The following SCNN1B variants were observed in gnomAD, a reference collection of about 807,000 sequenced individuals.
SCNN1B encodes sodium channel epithelial 1 subunit beta.
Under a neutral mutation model 65.3 loss-of-function variants are expected in SCNN1B, and 46 were observed. That is an observed-to-expected ratio of 0.70 (90% CI 0.56 to 0.90). The LOEUF is 0.90. Among genes scored for constraint, SCNN1B ranks in the 40% least tolerant of loss-of-function variants. SCNN1B has a pLI of 0.00. For missense variants in SCNN1B, 751 were observed against 830.5 expected (o/e 0.90, Z 1.18); for synonymous variants, 349 against 330.6 (o/e 1.06, Z -0.60).
intron 4 of SCNN1B, among the ~76,000 whole-genome samples, chr16:23,365,581 A>AAG (rs1236197984): frequency 1.2e-4 from 10 of 82,470 alleles, no homozygotes; most frequent in East Asian, 4.5e-4. Context: ...GAAAGAAAGA[A>AAG]AGAAAGAGAA....
chr16:23,286,405 C>T (rs1960851669), intron 2 of SCNN1B, among the ~76,000 whole-genome samples: 1 of 152,210 alleles, frequency 6.6e-6, no homozygotes, highest in African/African-American at 2.4e-5. Flanking sequence ...CTTACTGGTT[C>T]TGAGAGAAGA....
chr16:23,362,016 G>T (rs1255971262), intron 4 of SCNN1B, among the ~76,000 whole-genome samples: 1 of 152,110 alleles, frequency 6.6e-6, no homozygotes, highest in Non-Finnish European at 1.5e-5. Context: ...ACTTGCCCAA[G>T]CTCTGGTTTT....
chr16:23,343,497 AGGAAGGAAGGAAAAGG>A (rs1962100130), intron 1 of SCNN1B, among the ~76,000 whole-genome samples: 1 of 87,370 alleles, frequency 1.1e-5, no homozygotes, highest in South Asian at 4.6e-4. Context: ...GAAGGAAGGA[AGGAAGGAAGGAAAAGG>A]AAGGAAGGAA....
At chr16:23,295,643 C>A (rs529671088) in intron 2 of SCNN1B, among the ~76,000 whole-genome samples, 1 of 152,224 alleles carries the variant, frequency 6.6e-6, no homozygotes, top group Non-Finnish European at 1.5e-5. Flanking sequence ...TAAGCCACTG[C>A]ACCCAGCCCT....
In SCNN1B at chr16:23,348,606, G is replaced by A. The variant is rs750974115; in HGVS notation, c.7G>A (p.Val3Met). The A allele has an allele frequency of 2.0e-5, 32 of 1,612,680 alleles. No homozygotes were observed. The highest frequency in any genetic ancestry group is 1.9e-4 in the African/African-American group (14 of 74,894). MHVKKYLLKGLHR... is the reference protein window; with the variant it reads MHMKKYLLKGLHR... ...CCTCTCTGCAGGTGCCACTATGCAC[G>A]TGAAGAAGTACCTGCTGAAGGGCCT... Residue 3 changes from valine (V) to methionine (M), a missense_variant, in exon 2 of 13, where the codon GTG becomes ATG. Physicochemically the swap from Val to Met is conservative, Grantham distance 21 (BLOSUM62 1). Transcript: ENST00000343070. This position sits in a 1 kb window ranked among gnomAD's most constrained non-coding sequence, Gnocchi z 4.5.
At chr16:23,309,802 T>C (rs1411422367) in intron 1 of SCNN1B, among the ~76,000 whole-genome samples, 1 of 152,188 alleles carries the variant, frequency 6.6e-6, no homozygotes, top group African/African-American at 2.4e-5. Context: ...ATACTTTGCA[T>C]CCTTCAATCC....
intron 10 of SCNN1B, among the ~76,000 whole-genome samples, chr16:23,377,725 C>G (rs1962941916): frequency 7.8e-6 from 1 of 128,360 alleles, no homozygotes; most frequent in Admixed American, 8.2e-5. Flanking sequence ...CTTCCTTCTC[C>G]CTCCCTCCCC....
chr16:23,357,540 G>A (rs971840461), intron 4 of SCNN1B, among the ~76,000 whole-genome samples: 6 of 152,202 alleles, frequency 3.9e-5, no homozygotes, highest in African/African-American at 7.2e-5. Flanking sequence ...CAGAGATCGC[G>A]CCACTACACT....
In SCNN1B at chr16:23,373,874, G is replaced by A. The variant is rs529089929; in HGVS notation, c.1153-1864G>A. Among the ~76,000 whole-genome samples, 26 of 152,292 alleles carry A rather than the reference G, an allele frequency of 1.7e-4. No individual in the cohort carries two copies. In the East Asian group the frequency reaches 1.7e-3, roughly 10 times the overall value. ...GACAGTACAGGGAGGTGGGAAACAC[G>A]GAGAAGAAGGTACCAGCCCCAGAAA... is the stretch of plus-strand genomic sequence containing the variant. On this transcript the variant is annotated intron_variant, in intron 7 of 12. Coordinates refer to ENST00000343070, the MANE Select transcript of SCNN1B (RefSeq NM_000336.3).
chr16:23,378,891 C>A, intron 11 of SCNN1B, 124 bp downstream of exon 11: 1 of 869,028 alleles, frequency 1.2e-6, no homozygotes, highest in Non-Finnish European at 1.9e-6. Context: ...AGGAGCAAGT[C>A]TTGAGGAGGA....
At chr16:23,292,884 G>T (rs1397644742) in intron 2 of SCNN1B, among the ~76,000 whole-genome samples, 5 of 151,154 alleles carry the variant, frequency 3.3e-5, no homozygotes, top group African/African-American at 1.2e-4. Flanking sequence ...GGAGCCCGAG[G>T]TGGGTGGATC....
intron 1 of SCNN1B, among the ~76,000 whole-genome samples, chr16:23,318,431 A>G (rs993339065): frequency 1.3e-5 from 2 of 152,148 alleles, no homozygotes; most frequent in African/African-American, 4.8e-5. Context: ...CAACATAGTG[A>G]AACCCCATCT....
At chr16:23,284,373 C>T (rs1317359365) in intron 2 of SCNN1B, among the ~76,000 whole-genome samples, 1 of 151,858 alleles carries the variant, frequency 6.6e-6, no homozygotes, top group Non-Finnish European at 1.5e-5. Context: ...CCACTGCACT[C>T]CAGCCTGGGC....
At chr16:23,377,530 C>A in intron 10 of SCNN1B, 144 bp downstream of exon 10, 2 of 740,290 alleles carry the variant, frequency 2.7e-6, no homozygotes, top group South Asian at 3.0e-5. Flanking sequence ...TCCTTCCTTC[C>A]TTCTTTCTCT....
In SCNN1B at chr16:23,380,760, C is replaced by T. The variant is rs1178885800; in HGVS notation, c.1882C>T (p.Leu628=). Residue 628 remains leucine, a synonymous_variant, in exon 13 of 13, where the codon CTG becomes TTG. Coordinates refer to ENST00000343070, the MANE Select transcript of SCNN1B (RefSeq NM_000336.3). This position sits in a 1 kb window ranked among gnomAD's most constrained non-coding sequence, Gnocchi z 5.4. ...CTATGACTCCCTGCGTCTGCAGCCG[C>T]TGGACGTCATCGAGTCTGACAGTGA... is the stretch of plus-strand genomic sequence containing the variant. ...PNYDSLRLQP[L]DVIESDSEGD... 2 of 1,612,670 alleles carry T rather than the reference C, an allele frequency of 1.2e-6. No homozygotes were observed. The highest frequency in any genetic ancestry group is 1.7e-6 in the Non-Finnish European group (2 of 1,179,960).
intron 4 of SCNN1B, among the ~76,000 whole-genome samples, chr16:23,360,470 G>A (rs1962525106): frequency 6.6e-6 from 1 of 152,012 alleles, no homozygotes; most frequent in Non-Finnish European, 1.5e-5. Context: ...GATCACTTGA[G>A]CCTCGGAGTT....
intron 1 of SCNN1B, among the ~76,000 whole-genome samples, chr16:23,305,544 AT>A (rs1567290247): frequency 3.3e-5 from 1 of 30,640 alleles, no homozygotes; most frequent in Non-Finnish European, 4.7e-5. Context: ...TTATATATAT[AT>A]ATATATATAT....
chr16:23,375,426 G>A (rs922962902), intron 7 of SCNN1B, among the ~76,000 whole-genome samples: 2 of 152,024 alleles, frequency 1.3e-5, no homozygotes, highest in African/African-American at 2.4e-5. Flanking sequence ...ATTATTAGGG[G>A]CAAGCCGCTC....
At chr16:23,304,256 C>CACACACACAT (rs60997643) in intron 1 of SCNN1B, among the ~76,000 whole-genome samples, 29,644 of 151,796 alleles carry the variant, frequency 0.2, 2,945 homozygotes, top group Middle Eastern at 0.29. Flanking sequence ...AATGCATGCA[C>CACACACACAT]ACACACACAT....
Sources: gnomAD v4.1 joint callset for allele counts (sites outside exome capture counted in the v4.1 genomes callset) on GRCh38, gnomAD v4.1.1 for gene constraint, Gnocchi (gnomAD v3.1) non-coding constraint, MANE v1.5 for transcripts, NCBI Gene and HGNC (gene_info 2026-07-23, HGNC 2026-07-21) for gene names.